Variants in TBX15 observed in about 807,000 individuals in gnomAD.
TBX15 encodes the protein T-box transcription factor TBX15.
In TBX15, 18 loss-of-function variants were observed where a neutral mutation model predicts 53.9. That is an observed-to-expected ratio of 0.33 (90% CI 0.23 to 0.49). The LOEUF (loss-of-function observed/expected upper bound fraction) is 0.49, where lower values mean the gene tolerates loss of function less well. TBX15 is among the 20% of genes least tolerant of loss of function. The probability of loss-of-function intolerance (pLI) is 0.98; values close to 1 mark genes in which losing one functional copy is unlikely to be tolerated. For missense variants in TBX15, 692 were observed against 749.5 expected (o/e 0.92, Z 0.90); for synonymous variants, 295 against 278.0 (o/e 1.06, Z -0.61).
chr1:118,988,148 CCTCTCT>C lies in TBX15; in HGVS notation c.-359_-354del, dbSNP rs3033458. ...TTTTGTTATTATTATTATTCTCTCT[CCTCTCT>C]CTCTCTCTCTCTCTCTCCCCTCCCT... On this transcript the variant is annotated 5_prime_UTR_variant, in exon 1 of 8. Coordinates refer to ENST00000369429, the MANE Select transcript of TBX15 (RefSeq NM_001330677.2). The C allele has an allele frequency of 9.2e-3, 1,659 of 179,580 alleles. 20 individuals are homozygous for C. Among genetic ancestry groups the C allele is most frequent in the African/African-American group, 0.032 (1,336 of 41,488 alleles). The allele number at this position is 179,580 out of a possible 1,614,324, so 11.1% of individuals were successfully genotyped here. A position where few individuals can be genotyped will look rare whatever the true frequency, so the allele number is the denominator to read the frequency against.
intron 6 of TBX15, among the ~76,000 whole-genome samples, chr1:118,913,345 T>C (rs1054749151): frequency 6.6e-6 from 1 of 152,222 alleles, no homozygotes; most frequent in Non-Finnish European, 1.5e-5. Flanking sequence ...AATTTTCTGA[T>C]TGAATAATCT....
intron 7 of TBX15, among the ~76,000 whole-genome samples, chr1:118,897,675 C>T (rs1261940632): frequency 6.6e-6 from 1 of 152,064 alleles, no homozygotes; most frequent in Admixed American, 6.5e-5. Flanking sequence ...AATTCATGAC[C>T]ATCAAAGACG....
intron 6 of TBX15, among the ~76,000 whole-genome samples, chr1:118,912,160 T>A (rs1655047446): frequency 6.6e-6 from 1 of 151,752 alleles, no homozygotes; most frequent in Non-Finnish European, 1.5e-5. Context: ...GAAAATAAAA[T>A]ATTTCAAGTG....
At chr1:118,917,316 G>C (rs1271577304) in intron 5 of TBX15, among the ~76,000 whole-genome samples, 1 of 152,158 alleles carries the variant, frequency 6.6e-6, no homozygotes, top group African/African-American at 2.4e-5. Context: ...ACGAACGCAG[G>C]AACAGAAAAC....
intron 1 of TBX15, among the ~76,000 whole-genome samples, chr1:118,945,244 T>C (rs1656310935): frequency 6.6e-6 from 1 of 152,186 alleles, no homozygotes; most frequent in African/African-American, 2.4e-5. Context: ...TGGGACAGTG[T>C]ATAAGAATTC....
At chr1:118,915,732 T>C (rs924759060) in intron 5 of TBX15, among the ~76,000 whole-genome samples, 2 of 152,214 alleles carry the variant, frequency 1.3e-5, no homozygotes, top group Admixed American at 1.3e-4. Context: ...GTTGGAGTTA[T>C]AATATTTTAT....
At chr1:118,930,416 G>A (rs1423541392) in intron 2 of TBX15, among the ~76,000 whole-genome samples, 4 of 152,128 alleles carry the variant, frequency 2.6e-5, no homozygotes, top group Middle Eastern at 3.4e-3. Context: ...TTATTTGTTT[G>A]TTTATTTATT....
intron 1 of TBX15, among the ~76,000 whole-genome samples, chr1:118,950,950 C>T (rs1180380465): frequency 6.6e-6 from 1 of 152,184 alleles, no homozygotes; most frequent in Non-Finnish European, 1.5e-5. Flanking sequence ...TGCCACTGTG[C>T]ACTCCGAAAA....
chr1:118,895,362 A>G (rs998818499), intron 7 of TBX15, among the ~76,000 whole-genome samples: 3 of 152,146 alleles, frequency 2.0e-5, no homozygotes. Flanking sequence ...TCCTTTTAGA[A>G]CAACAGTTAT....
At chr1:118,910,008 T>G (rs984582958) in intron 6 of TBX15, among the ~76,000 whole-genome samples, 1 of 152,190 alleles carries the variant, frequency 6.6e-6, no homozygotes, top group East Asian at 1.9e-4. Flanking sequence ...CGGATGGTTC[T>G]GAGTGTGAGA....
intron 1 of TBX15, among the ~76,000 whole-genome samples, chr1:118,946,286 C>A (rs2101646751): frequency 6.6e-6 from 1 of 152,072 alleles, no homozygotes; most frequent in East Asian, 1.9e-4. Flanking sequence ...ATATTGACTT[C>A]TAATTATTTA....
intron 2 of TBX15, among the ~76,000 whole-genome samples, chr1:118,926,875 T>C (rs933507198): frequency 6.1e-5 from 1 of 16,524 alleles, no homozygotes; most frequent in Non-Finnish European, 1.4e-4. Context: ...CCAGCTAATT[T>C]GTGTGTGTGT....
intron 1 of TBX15, among the ~76,000 whole-genome samples, chr1:118,964,873 A>G (rs750016220): frequency 3.9e-5 from 6 of 152,222 alleles, no homozygotes; most frequent in Admixed American, 6.5e-5. Context: ...TACTACAGGA[A>G]GAGATAAACA....
chr1:118,938,402 G>A (rs76396273), intron 1 of TBX15, among the ~76,000 whole-genome samples: 23 of 152,262 alleles, frequency 1.5e-4, no homozygotes, highest in South Asian at 4.2e-4. Context: ...CTCTCTCAGC[G>A]ATACATAGAA....
Position 118,886,337 on chromosome 1 carries a change from T to C in TBX15, c.1025-821A>G, listed in dbSNP as rs72705324. Among the ~76,000 whole-genome samples, 228 of 152,244 alleles carry C rather than the reference T, an allele frequency of 1.5e-3. 1 individual carries two copies. The highest frequency in any genetic ancestry group is 2.8e-3 in the Admixed American group (43 of 15,306). ...AAGCTAAAAAGGCCTTAAAGTGACC[T>C]GAGAGTCAGGAGATCTGGGTCTGCT... On this transcript the variant is annotated intron_variant, in intron 7 of 7. Coordinates refer to ENST00000369429, the MANE Select transcript of TBX15 (RefSeq NM_001330677.2).
chr1:118,884,874 T>C lies in TBX15; in HGVS notation c.1667A>G (p.Gln556Arg). ...GTGCTCCATCCCTGACGGCAGGTAC[T>C]GCCTCTCTCCAAAGGCCCCGTTGGA... ...SPSNGAFGER[Q>R]YLPSGMEHSM... is the part of the protein sequence containing the mutation. The change falls in exon 8 of 8, where the codon CAG becomes CGG. Residue 556 changes from glutamine (Q) to arginine (R), a missense_variant. Gln to Arg is a conservative substitution (Grantham distance 43, BLOSUM62 1). Transcript: ENST00000369429. The C allele has an allele frequency of 6.2e-7, 1 of 1,614,224 alleles. No individual in the cohort carries two copies. Among genetic ancestry groups the C allele is most frequent in the Non-Finnish European group, 8.5e-7 (1 of 1,180,030 alleles).
At chr1:118,954,362 A>C (rs1284377096) in intron 1 of TBX15, among the ~76,000 whole-genome samples, 1 of 152,218 alleles carries the variant, frequency 6.6e-6, no homozygotes, top group African/African-American at 2.4e-5. Flanking sequence ...GGCAGTTCTA[A>C]AAGCACCAGC....
intron 5 of TBX15, among the ~76,000 whole-genome samples, chr1:118,914,506 G>A (rs1316738490): frequency 2.0e-5 from 3 of 152,132 alleles, no homozygotes; most frequent in Non-Finnish European, 4.4e-5. Flanking sequence ...CAATGGTCAC[G>A]TCCATGGTAC....
chr1:118,953,771 T>A (rs2799756), intron 1 of TBX15, among the ~76,000 whole-genome samples: 3,878 of 152,282 alleles, frequency 0.025, 178 homozygotes, highest in African/African-American at 0.089. Flanking sequence ...ATGTGAAATT[T>A]TTTGATGAAT....
Sources: gnomAD v4.1 joint callset for allele counts (sites outside exome capture counted in the v4.1 genomes callset) on GRCh38, gnomAD v4.1.1 for gene constraint, MANE v1.5 for transcripts, NCBI Gene and HGNC (gene_info 2026-07-23, HGNC 2026-07-21) for gene names.